Variants in DTWD2 observed in about 807,000 individuals in gnomAD.
DTWD2 encodes the protein tRNA-uridine aminocarboxypropyltransferase 2.
In DTWD2, 39 loss-of-function variants were observed where a neutral mutation model predicts 31.8. The observed-to-expected ratio is 1.22, with a 90% CI of 0.95 to 1.60. DTWD2 has a LOEUF of 1.60. DTWD2 is among the 40% of genes most tolerant of loss of function. The pLI, the probability that DTWD2 is intolerant of heterozygous loss-of-function variation, is 0.00. For missense variants in DTWD2, 515 were observed against 381.5 expected (o/e 1.35, Z -2.92); for synonymous variants, 180 against 142.8 (o/e 1.26, Z -1.86).
At chr5:118,853,939 T>C (rs886154213) in intron 4 of DTWD2, among the ~76,000 whole-genome samples, 1 of 151,926 alleles carries the variant, frequency 6.6e-6, no homozygotes, top group Admixed American at 6.6e-5. Context: ...GGATAAGGAG[T>C]GGAGAAAGGG....
chr5:118,973,069 T>C (rs548755034), intron 1 of DTWD2, among the ~76,000 whole-genome samples: 4 of 151,502 alleles, frequency 2.6e-5, no homozygotes, highest in East Asian at 1.9e-4. Context: ...GAAACTAGGA[T>C]TGCAACCCCC....
At chr5:118,929,487 C>G (rs1753876845) in intron 3 of DTWD2, among the ~76,000 whole-genome samples, 1 of 145,522 alleles carries the variant, frequency 6.9e-6, no homozygotes, top group African/African-American at 2.6e-5. Flanking sequence ...TACGTCACTT[C>G]CCTTTTTTTT....
chr5:118,916,640 G>C (rs1753584257), intron 4 of DTWD2, among the ~76,000 whole-genome samples: 1 of 150,388 alleles, frequency 6.6e-6, no homozygotes, highest in Non-Finnish European at 1.5e-5. Context: ...ACTGCAGCCT[G>C]GGCAACAAAA....
chr5:118,922,101 T>C (rs1316051450), intron 4 of DTWD2, among the ~76,000 whole-genome samples: 1 of 152,188 alleles, frequency 6.6e-6, no homozygotes, highest in Non-Finnish European at 1.5e-5. Context: ...ATATTCACCT[T>C]GGATTTATTC....
chr5:118,862,008 T>C (rs889447043), intron 4 of DTWD2, among the ~76,000 whole-genome samples: 1 of 152,164 alleles, frequency 6.6e-6, no homozygotes, highest in African/African-American at 2.4e-5. Flanking sequence ...CGTTCTGTGG[T>C]CTCGCAGGAT....
At chr5:118,847,527 T>C (rs1385266794) in intron 5 of DTWD2, among the ~76,000 whole-genome samples, 2 of 152,160 alleles carry the variant, frequency 1.3e-5, no homozygotes, top group Non-Finnish European at 2.9e-5. Flanking sequence ...CTGATGATTA[T>C]TAATTATATA....
At chr5:118,846,645 G>A (rs533959658) in intron 5 of DTWD2, among the ~76,000 whole-genome samples, 9 of 152,178 alleles carry the variant, frequency 5.9e-5, no homozygotes, top group African/African-American at 2.2e-4. Flanking sequence ...ATTCTATTAA[G>A]ACACCTGTGA....
chr5:118,897,133 T>C (rs1753101483), intron 4 of DTWD2, among the ~76,000 whole-genome samples: 1 of 152,316 alleles, frequency 6.6e-6, no homozygotes, highest in Admixed American at 6.5e-5. Context: ...ATAGTGGAAC[T>C]CACGGTTAAT....
chr5:118,894,653 C>A (rs187947918), intron 4 of DTWD2, among the ~76,000 whole-genome samples: 16 of 152,090 alleles, frequency 1.1e-4, no homozygotes, highest in Non-Finnish European at 2.2e-4. Context: ...TTTAACAACA[C>A]ATTAAAAAGA....
At chr5:118,922,575 C>T (rs951056532) in intron 4 of DTWD2, among the ~76,000 whole-genome samples, 2 of 152,108 alleles carry the variant, frequency 1.3e-5, no homozygotes, top group African/African-American at 4.8e-5. Context: ...TATGCAAAAA[C>T]TGATTTAAAT....
chr5:118,886,131 TATTA>T lies in DTWD2; in HGVS notation c.598-37917_598-37914del, dbSNP rs1340143150. Among the ~76,000 whole-genome samples, 11 of 152,370 alleles carry T rather than the reference TATTA, an allele frequency of 7.2e-5. No homozygotes were observed. In the East Asian group the frequency reaches 1.9e-3, roughly 27 times the overall value. On this transcript the variant is annotated intron_variant, in intron 4 of 5. Coordinates refer to ENST00000510708, the MANE Select transcript of DTWD2 (RefSeq NM_173666.4). ...ATAAATTGTGCTTATTCACTGGAAT[TATTA>T]ATTAACATACTGTCTATCCATCCTG...
intron 3 of DTWD2, among the ~76,000 whole-genome samples, chr5:118,930,915 G>C (rs1753908771): frequency 6.6e-6 from 1 of 152,088 alleles, no homozygotes; most frequent in Admixed American, 6.6e-5. Context: ...TAAAGGTAGA[G>C]GGTTTCTTTT....
At chr5:118,972,705 C>A (rs1166434451) in intron 1 of DTWD2, among the ~76,000 whole-genome samples, 1 of 152,186 alleles carries the variant, frequency 6.6e-6, no homozygotes, top group East Asian at 1.9e-4. Flanking sequence ...CCCTGATGAA[C>A]ATCAACACAA....
At chr5:118,946,714 G>A (rs1484839966) in intron 1 of DTWD2, among the ~76,000 whole-genome samples, 1 of 151,852 alleles carries the variant, frequency 6.6e-6, no homozygotes, top group South Asian at 2.1e-4. Context: ...AAAGCTGTAA[G>A]TCTACAAACA....
chr5:118,883,419 T>C (rs959710063), intron 4 of DTWD2, among the ~76,000 whole-genome samples: 2 of 152,234 alleles, frequency 1.3e-5, no homozygotes, highest in African/African-American at 4.8e-5. Flanking sequence ...CCAAAGCTGC[T>C]TTCACATTTT....
intron 4 of DTWD2, among the ~76,000 whole-genome samples, chr5:118,882,246 G>C (rs1404556740): frequency 2.6e-5 from 4 of 152,192 alleles, no homozygotes. Context: ...TTTGACTCCA[G>C]GTCTCACATG....
chr5:118,926,129 C>T (rs116684434), intron 4 of DTWD2, among the ~76,000 whole-genome samples: 3,115 of 152,160 alleles, frequency 0.02, 110 homozygotes, highest in African/African-American at 0.07. Context: ...TTCACAACTG[C>T]AAAGACGTGG....
chr5:118,912,367 C>G (rs1318532633), intron 4 of DTWD2, among the ~76,000 whole-genome samples: 1 of 152,158 alleles, frequency 6.6e-6, no homozygotes, highest in African/African-American at 2.4e-5. Context: ...ATGTCCATGG[C>G]TTCACAGTAC....
At chr5:118,862,591 T>A (rs542412776) in intron 4 of DTWD2, among the ~76,000 whole-genome samples, 6 of 152,208 alleles carry the variant, frequency 3.9e-5, no homozygotes, top group African/African-American at 1.2e-4. Flanking sequence ...ATTATTTACT[T>A]TGAAGAAACA....
Sources: allele counts gnomAD v4.1 joint callset (sites outside exome capture counted in the v4.1 genomes callset), GRCh38; gene constraint gnomAD v4.1.1; transcripts MANE v1.5; gene names NCBI Gene and HGNC (gene_info 2026-07-23, HGNC 2026-07-21).